CDK4: variants seen among roughly 807,000 people sequenced by gnomAD.
CDK4 encodes cyclin-dependent kinase 4.
Under a neutral mutation model 36.7 loss-of-function variants are expected in CDK4, and 13 were observed. The ratio of observed to expected loss-of-function variants is 0.35; its 90% CI spans 0.23 to 0.56. The LOEUF (loss-of-function observed/expected upper bound fraction) is 0.56. Among genes scored for constraint, CDK4 ranks in the 20% least tolerant of loss-of-function variants. The pLI is 0.85. For synonymous variants in CDK4, 158 were observed against 146.4 expected, an observed-to-expected ratio of 1.08 and a Z score of -0.57; for missense variants, 285 against 387.3, an observed-to-expected ratio of 0.74 and a Z score of 2.22.
In CDK4 at chr12:57,751,242, C is replaced by T. The variant is rs1955233778; in HGVS notation, c.319G>A (p.Ala107Thr). 6.2e-7 allele frequency: 1 copy of T among 1,614,170 alleles called. No homozygotes were observed. The highest frequency in any genetic ancestry group is 8.5e-7 in the Non-Finnish European group (1 of 1,180,030). ...DQDLRTYLDK[A>T]PPPGLPAETI... ...TCGGCTGGCAAGCCTGGTGGGGGTG[C>T]CTTGTCCAGATATGTCCTTAGGTCC... Residue 107 changes from alanine (A) to threonine (T), a missense_variant, in exon 3 of 8, where the codon GCA (alanine) becomes ACA (threonine). Ala to Thr is a moderately conservative substitution (Grantham distance 58). Coordinates refer to ENST00000257904, the MANE Select transcript of CDK4 (RefSeq NM_000075.4). This position sits in a 1 kb window ranked among gnomAD's most constrained non-coding sequence, Gnocchi z 4.5.
At chr12:57,748,918 C>T (rs1955194566) in intron 7 of CDK4, 1 of 558,816 alleles carries the variant, frequency 1.8e-6, no homozygotes, top group Non-Finnish European at 3.2e-6. Context: ...GTTGGCCAGG[C>T]TGGTCTCGAA....
intron 5 of CDK4, 23 bp downstream of exon 5, chr12:57,750,633 T>G (rs760843548): frequency 6.6e-7 from 1 of 1,505,708 alleles, no homozygotes; most frequent in South Asian, 1.1e-5. Flanking sequence ...TTCAAGGTAG[T>G]CCAGGGTATG....
Position 57,751,198 on chromosome 12 carries a change from C to G in CDK4, c.354+9G>C, listed in dbSNP as rs771456729. The G allele has an allele frequency of 3.7e-6, 6 of 1,614,156 alleles. No homozygotes were observed. Among genetic ancestry groups the G allele is most frequent in the Non-Finnish European group, 5.1e-6 (6 of 1,180,032 alleles). On this transcript the variant is annotated intron_variant, in intron 3 of 7. Coordinates refer to ENST00000257904, the MANE Select transcript of CDK4 (RefSeq NM_000075.4). This position sits in a 1 kb window ranked among gnomAD's most constrained non-coding sequence, Gnocchi z 4.5. Reference sequence around the variant, plus strand: ...AATCCACCTCTCAATGCCTACCAACCCCACTCACCTTGATCGTTTCGGCTG... The same window carrying G: ...AATCCACCTCTCAATGCCTACCAACGCCACTCACCTTGATCGTTTCGGCTG...
chr12:57,750,637 G>C lies in CDK4; in HGVS notation c.632+19C>G, dbSNP rs1027122710. Reference sequence around the variant, plus strand: ...GATTTGGGGAATTCAAGGTAGTCCAGGGTATGTGGGTCCCATACTTTCGAC... The same window carrying C: ...GATTTGGGGAATTCAAGGTAGTCCACGGTATGTGGGTCCCATACTTTCGAC... On this transcript the variant is annotated intron_variant, in intron 5 of 7. Transcript: ENST00000257904. 6.7e-7 allele frequency: 1 copy of C among 1,501,788 alleles called. No homozygotes were observed. Among genetic ancestry groups the C allele is most frequent in the Non-Finnish European group, 9.3e-7 (1 of 1,077,290 alleles). The allele number at this position is 1,501,788 out of a possible 1,614,324, so 93.0% of individuals were successfully genotyped here. A position where few individuals can be genotyped will look rare whatever the true frequency, so the allele number is the denominator to read the frequency against.
Position 57,750,648 on chromosome 12 carries a change from T to C in CDK4, c.632+8A>G, listed in dbSNP as rs1269709231. 2 of 1,562,734 alleles carry C rather than the reference T, an allele frequency of 1.3e-6. No homozygotes were observed. Among genetic ancestry groups the C allele is most frequent in the Non-Finnish European group, 1.8e-6 (2 of 1,133,026 alleles). The stretch of plus-strand genomic sequence containing the variant: ...TTCAAGGTAGTCCAGGGTATGTGGG[T>C]CCCATACTTTCGACGAAACATCTCT... On this transcript the variant is annotated splice_region_variant and intron_variant, in intron 5 of 7. Coordinates refer to ENST00000257904, the MANE Select transcript of CDK4 (RefSeq NM_000075.4).
intron 5 of CDK4, chr12:57,749,975 G>A (rs1015780082): frequency 8.3e-5 from 14 of 169,654 alleles, no homozygotes; most frequent in African/African-American, 1.7e-4. Flanking sequence ...CCAGCCTGGC[G>A]ACAGAGCAAG....
rs770784286 is a variant in CDK4 at position 57,751,583 on chromosome 12, ACCT to A, written c.132_134del (p.Gly48del). 3.7e-6 allele frequency: 6 copies of A among 1,613,328 alleles called. No individual in the cohort carries two copies. Among genetic ancestry groups the A allele is most frequent in the South Asian group, 1.1e-5 (1 of 91,020 alleles). On this transcript the variant is annotated inframe_deletion, in exon 2 of 8. Coordinates refer to ENST00000257904, the MANE Select transcript of CDK4 (RefSeq NM_000075.4). This position sits in a 1 kb window ranked among gnomAD's most constrained non-coding sequence, Gnocchi z 4.5. Reference sequence around the variant, plus strand: ...CTGTGCTGATGGGAAGGCCTCCTCCACCTCCTCCTCCATTGGGGACTCTCACAC... The same window carrying A: ...CTGTGCTGATGGGAAGGCCTCCTCCACCTCCTCCATTGGGGACTCTCACAC...
Position 57,751,676 on chromosome 12 carries a change from G to C in CDK4, c.42C>G (p.Val14=), listed in dbSNP as rs786203182. Reference sequence around the variant, plus strand: ...CCTTGTACACTGTCCCATAGGCACCGACACCAATTTCAGCCACTGGCTCAT... The same window carrying C: ...CCTTGTACACTGTCCCATAGGCACCCACACCAATTTCAGCCACTGGCTCAT... ...SRYEPVAEIG[V]GAYGTVYKAR... The change falls in exon 2 of 8, where the codon GTC becomes GTG. Residue 14 remains valine, a synonymous_variant. Coordinates refer to ENST00000257904, the MANE Select transcript of CDK4 (RefSeq NM_000075.4). This position sits in a 1 kb window ranked among gnomAD's most constrained non-coding sequence, Gnocchi z 4.5. 6.2e-7 allele frequency: 1 copy of C among 1,614,032 alleles called. No homozygotes were observed. Among genetic ancestry groups the C allele is most frequent in the Non-Finnish European group, 8.5e-7 (1 of 1,180,032 alleles).
rs757623613 is a variant in CDK4, at chr12:57,751,378, T to C, written c.219-36A>G. The C allele has an allele frequency of 2.5e-6, 4 of 1,613,860 alleles. No individual in the cohort carries two copies. The East Asian group carries it at 8.9e-5, about 36-fold the overall frequency. ...TAAATGCTCACTTTTCAATCCCCTTTAACCCAACATGGCCTCTCATTATTT... is the reference window on the plus strand; with the variant it reads ...TAAATGCTCACTTTTCAATCCCCTTCAACCCAACATGGCCTCTCATTATTT... On this transcript the variant is annotated intron_variant, in intron 2 of 7. Coordinates refer to ENST00000257904, the MANE Select transcript of CDK4 (RefSeq NM_000075.4). This position sits in a 1 kb window ranked among gnomAD's most constrained non-coding sequence, Gnocchi z 4.5.
Position 57,751,915 on chromosome 12 carries a change from C to T in CDK4, c.-19-179G>A. On this transcript the variant is annotated intron_variant, in intron 1 of 7. Coordinates refer to ENST00000257904, the MANE Select transcript of CDK4 (RefSeq NM_000075.4). The surrounding 1 kb of genome is among the most constrained non-coding windows in gnomAD (Gnocchi z 4.5). ...TAACACAATGACTCAATACCAACCCCTCCAGCCACGTGAGGCCCTGCAATA... is the reference window on the plus strand; with the variant it reads ...TAACACAATGACTCAATACCAACCCTTCCAGCCACGTGAGGCCCTGCAATA... 2 of 618,672 alleles carry T rather than the reference C, an allele frequency of 3.2e-6. No homozygotes were observed. Among genetic ancestry groups the T allele is most frequent in the Non-Finnish European group, 5.7e-6 (2 of 349,692 alleles). 38.3% of individuals were successfully genotyped at this position (618,672 alleles called of 1,614,324 possible).
At position 57,751,999 on chromosome 12, in the gene CDK4, G is replaced by A. The variant is rs1955243364; in HGVS notation, c.-20+176C>T. 2.0e-6 allele frequency: 1 copy of A among 508,902 alleles called. No individual in the cohort carries two copies. The highest frequency in any genetic ancestry group is 3.6e-6 in the Non-Finnish European group (1 of 279,806). The allele number at this position is 508,902 out of a possible 1,614,324, so 31.5% of individuals were successfully genotyped here. A position where few individuals can be genotyped will look rare whatever the true frequency, so the allele number is the denominator to read the frequency against. ...CGCACAAAGATCACACATGACACAT[G>A]CCTTGCATCGAAGATCCTACACCTC... On this transcript the variant is annotated intron_variant, in intron 1 of 7. Transcript: ENST00000257904. The surrounding 1 kb of genome is among the most constrained non-coding windows in gnomAD (Gnocchi z 4.5).
At position 57,749,260 on chromosome 12, in the gene CDK4, T is replaced by C. The variant is rs1595108773; in HGVS notation, c.741A>G (p.Gly247=). The C allele has an allele frequency of 6.2e-7, 1 of 1,614,058 alleles. No homozygotes were observed. Residue 247 remains glycine, a synonymous_variant, in exon 7 of 8, where the codon GGA becomes GGG. Coordinates refer to ENST00000257904, the MANE Select transcript of CDK4 (RefSeq NM_000075.4). ...GGCGGGGCCCTCTGGGGGGAAAGGC[T>C]CCACGGGGCAGGGATACATCTCGAG... ...DWPRDVSLPR[G]AFPPRGPRPV...
chr12:57,749,126 C>G (rs2140382349), intron 7 of CDK4, 56 bp downstream of exon 7: 3 of 1,610,470 alleles, frequency 1.9e-6, no homozygotes, highest in South Asian at 1.1e-5. Flanking sequence ...GCATACTGCT[C>G]TATTTCTTTC....
chr12:57,748,640 G>C (rs748278683), intron 7 of CDK4, 23 bp from the exon 8 acceptor site: 2 of 1,531,214 alleles, frequency 1.3e-6, no homozygotes, highest in Non-Finnish European at 1.8e-6. Context: ...GCAAAGGTCA[G>C]AAAACCATGA....
chr12:57,748,514 C>T lies in CDK4; in HGVS notation c.*11G>A. On this transcript the variant is annotated 3_prime_UTR_variant, in exon 8 of 8. Transcript: ENST00000257904. ...CAGCTTTTCTTCCTTCCATGGCAGC[C>T]ACTCCATTGCTCACTCCGGATTACC... 2 of 1,593,412 alleles carry T rather than the reference C, an allele frequency of 1.3e-6. No homozygotes were observed. Among genetic ancestry groups the T allele is most frequent in the Non-Finnish European group, 8.6e-7 (1 of 1,161,372 alleles).
rs753943406 is a variant in CDK4 at position 57,749,172 on chromosome 12, T to C, written c.819+10A>G. 6.2e-7 allele frequency: 1 copy of C among 1,613,944 alleles called. No individual in the cohort carries two copies. Among genetic ancestry groups the C allele is most frequent in the Non-Finnish European group, 8.5e-7 (1 of 1,179,832 alleles). On this transcript the variant is annotated intron_variant, in intron 7 of 7. Coordinates refer to ENST00000257904, the MANE Select transcript of CDK4 (RefSeq NM_000075.4). Reference sequence around the variant, plus strand: ...ATTTCTTTCCCTGTGCCCACAGCCATCTCCAGTACCAGCAGCAGCTGTGCT... The same window carrying C: ...ATTTCTTTCCCTGTGCCCACAGCCACCTCCAGTACCAGCAGCAGCTGTGCT...
Position 57,749,408 on chromosome 12 carries a change from G to A in CDK4, c.683+46C>T, listed in dbSNP as rs756523031. On this transcript the variant is annotated intron_variant, in intron 6 of 7. Coordinates refer to ENST00000257904, the MANE Select transcript of CDK4 (RefSeq NM_000075.4). The stretch of plus-strand genomic sequence containing the variant: ...GTTGCCATCCTGGGTTCAGCAGAAA[G>A]AGGACTCAGAATAGAAAATCTTTTT... 10 of 1,613,292 alleles carry A rather than the reference G, an allele frequency of 6.2e-6. No homozygotes were observed. In the East Asian group the frequency reaches 2.0e-4, roughly 32 times the overall value.
intron 7 of CDK4, chr12:57,748,955 C>CCGCG: frequency 1.6e-6 from 1 of 610,274 alleles, no homozygotes; most frequent in Non-Finnish European, 2.9e-6. Flanking sequence ...ATACGCCCAC[C>CCGCG]TTGGCCTCCC....
chr12:57,749,534 T>G (rs749987747), intron 5 of CDK4, 30 bp from the exon 6 acceptor site: 2 of 1,609,072 alleles, frequency 1.2e-6, no homozygotes, highest in Middle Eastern at 1.7e-4. Flanking sequence ...AAGGTAGCAG[T>G]CATTTTCAAA....
Sources: allele counts gnomAD v4.1 joint callset, GRCh38; gene constraint gnomAD v4.1.1; non-coding constraint Gnocchi (gnomAD v3.1); transcripts MANE v1.5; gene names NCBI Gene and HGNC (gene_info 2026-07-23, HGNC 2026-07-21).